MCPH1: variants seen among roughly 807,000 people sequenced by gnomAD.
The protein encoded by MCPH1 is microcephalin.
Under a neutral mutation model 84.5 loss-of-function variants are expected in MCPH1, and 104 were observed. The observed-to-expected ratio is 1.23, with a 90% confidence interval of 1.05 to 1.45. MCPH1 has a LOEUF of 1.45. Ranked by LOEUF, MCPH1 falls within the 40% of genes most tolerant of loss-of-function variation. MCPH1 has a pLI of 0.00. For missense variants in MCPH1, 1,498 were observed against 1,005.7 expected, an observed-to-expected ratio of 1.49 and a Z score of -6.62; for synonymous variants, 514 against 366.8, an observed-to-expected ratio of 1.40 and a Z score of -4.58.
chr8:6,406,698 C>G lies in MCPH1; in HGVS notation c.22+9C>G. Reference sequence around the variant, plus strand: ...GGCCCCCATCCTGAAAGGTGAGGTACTTCCTGCTGCCTGCTCCAGCAGCGG... The same window carrying G: ...GGCCCCCATCCTGAAAGGTGAGGTAGTTCCTGCTGCCTGCTCCAGCAGCGG... On this transcript the variant is annotated intron_variant, in intron 1 of 13. Transcript: ENST00000344683. 3 of 1,612,054 alleles carry G rather than the reference C, an allele frequency of 1.9e-6. No individual in the cohort carries two copies. Among genetic ancestry groups the G allele is most frequent in the Non-Finnish European group, 2.5e-6 (3 of 1,179,478 alleles).
At chr8:6,540,088 C>G (rs1283962591) in intron 12 of MCPH1, among the ~76,000 whole-genome samples, 1 of 152,172 alleles carries the variant, frequency 6.6e-6, no homozygotes, top group Non-Finnish European at 1.5e-5. Flanking sequence ...TAGGTACACC[C>G]TACAGTAATT....
At position 6,459,173 on chromosome 8, in the gene MCPH1, C is replaced by T. The variant is rs143967928; in HGVS notation, c.1935+3921C>T. On this transcript the variant is annotated intron_variant, in intron 9 of 13. Coordinates refer to ENST00000344683, the MANE Select transcript of MCPH1 (RefSeq NM_024596.5). ...TACAAATATAATGTTAGTATCTCAA[C>T]CATTCTTTTTTTCCCATTAAATAGG... is the stretch of plus-strand genomic sequence containing the variant. Among the ~76,000 whole-genome samples the T allele has an allele frequency of 2.3e-3, 347 of 152,276 alleles. 4 individuals carry two copies. Among genetic ancestry groups the T allele is most frequent in the African/African-American group, 7.6e-3 (316 of 41,560 alleles).
chr8:6,500,024 A>T (rs1312265949), intron 12 of MCPH1, 95 bp downstream of exon 12: 3 of 1,003,350 alleles, frequency 3.0e-6, no homozygotes, highest in Non-Finnish European at 4.8e-6. Flanking sequence ...TTATCCAGTC[A>T]AGCACAATTA....
chr8:6,470,205 C>G (rs1807530876), intron 9 of MCPH1, among the ~76,000 whole-genome samples: 1 of 152,128 alleles, frequency 6.6e-6, no homozygotes, highest in South Asian at 2.1e-4. Context: ...ATAAAGGTTT[C>G]AGCTTCCTGG....
At chr8:6,461,073 A>G (rs1371486490) in intron 9 of MCPH1, among the ~76,000 whole-genome samples, 2 of 152,178 alleles carry the variant, frequency 1.3e-5, no homozygotes, top group African/African-American at 4.8e-5. Flanking sequence ...GATTTTTGAG[A>G]TGAACACGTA....
At chr8:6,627,244 C>T in intron 13 of MCPH1, 1 of 985,448 alleles carries the variant, frequency 1.0e-6, no homozygotes, top group Non-Finnish European at 1.2e-6. Flanking sequence ...TGATCAGTCA[C>T]CGCAGTCCAC....
chr8:6,531,438 G>A lies in MCPH1; in HGVS notation c.2214+31509G>A, dbSNP rs532156551. ...CAAGTAGCTGGGATTGCAGATGCCCGCCACCACACCTGGCTAATTTGTTTG... is the reference window on the plus strand; with the variant it reads ...CAAGTAGCTGGGATTGCAGATGCCCACCACCACACCTGGCTAATTTGTTTG... On this transcript the variant is annotated intron_variant, in intron 12 of 13. Transcript: ENST00000344683. Among the ~76,000 whole-genome samples, 17 of 151,946 alleles carry A rather than the reference G, an allele frequency of 1.1e-4. 1 individual carries two copies. The highest frequency in any genetic ancestry group is 6.2e-4 in the South Asian group (3 of 4,814).
At chr8:6,437,277 C>G (rs1380650632) in intron 5 of MCPH1, among the ~76,000 whole-genome samples, 1 of 152,000 alleles carries the variant, frequency 6.6e-6, no homozygotes, top group Non-Finnish European at 1.5e-5. Flanking sequence ...CATCACCAGG[C>G]TGGAGTGCAG....
chr8:6,505,113 G>A (rs1236842526), intron 12 of MCPH1, among the ~76,000 whole-genome samples: 1 of 89,944 alleles, frequency 1.1e-5, no homozygotes, highest in African/African-American at 3.5e-5. Flanking sequence ...GAATGGCACT[G>A]GCAGGTCCTC....
intron 9 of MCPH1, among the ~76,000 whole-genome samples, chr8:6,470,059 T>G (rs7841259): frequency 0.013 from 2,054 of 152,322 alleles, 53 homozygotes; most frequent in African/African-American, 0.046. Context: ...ATAACAATGT[T>G]AAAAACAGAA....
intron 12 of MCPH1, chr8:6,532,355 T>C: frequency 1.2e-6 from 2 of 1,614,162 alleles, no homozygotes; most frequent in Non-Finnish European, 1.7e-6. Flanking sequence ...TCAGTTAACT[T>C]CCGCGTTTGC....
At chr8:6,638,358 G>A (rs139927493) in intron 13 of MCPH1, among the ~76,000 whole-genome samples, 1 of 152,224 alleles carries the variant, frequency 6.6e-6, no homozygotes, top group East Asian at 1.9e-4. Flanking sequence ...GGTCCCGTGT[G>A]CTCTTGAACT....
intron 12 of MCPH1, among the ~76,000 whole-genome samples, chr8:6,559,736 G>A (rs1034664810): frequency 1.3e-5 from 2 of 152,160 alleles, no homozygotes; most frequent in Non-Finnish European, 2.9e-5. Context: ...TTATTTGTGA[G>A]TTTTTATAAA....
At chr8:6,582,582 A>T (rs1166234290) in intron 12 of MCPH1, among the ~76,000 whole-genome samples, 1 of 152,164 alleles carries the variant, frequency 6.6e-6, no homozygotes, top group East Asian at 1.9e-4. Flanking sequence ...ATTTAATAGT[A>T]AGATAAACAC....
intron 3 of MCPH1, among the ~76,000 whole-genome samples, chr8:6,426,364 C>G (rs955273340): frequency 6.6e-6 from 1 of 152,224 alleles, no homozygotes; most frequent in Admixed American, 6.5e-5. Flanking sequence ...TCCTCCCACC[C>G]CAGGGCAGCC....
chr8:6,446,932 C>T (rs1168721230), intron 8 of MCPH1: 2 of 985,154 alleles, frequency 2.0e-6, no homozygotes, highest in Admixed American at 6.2e-5. Context: ...GGGTGAGGGG[C>T]CAGCACTAGT....
intron 12 of MCPH1, chr8:6,500,304 G>A (rs1811901887): frequency 5.4e-6 from 1 of 186,642 alleles, no homozygotes; most frequent in Non-Finnish European, 1.1e-5. Context: ...CTGGTGCTGT[G>A]ATAACAGTAT....
intron 9 of MCPH1, among the ~76,000 whole-genome samples, chr8:6,458,190 G>A (rs1318755310): frequency 2.6e-5 from 4 of 152,024 alleles, no homozygotes; most frequent in Admixed American, 6.6e-5. Context: ...CCTGATTTGC[G>A]GGCTGGGTGC....
chr8:6,448,730 G>A (rs542001331), intron 8 of MCPH1, among the ~76,000 whole-genome samples: 12 of 152,206 alleles, frequency 7.9e-5, no homozygotes, highest in Non-Finnish European at 1.6e-4. Context: ...TACAAAAGCA[G>A]TATGTCATAT....
Sources: allele counts gnomAD v4.1 joint callset (sites outside exome capture counted in the v4.1 genomes callset), GRCh38; gene constraint gnomAD v4.1.1; transcripts MANE v1.5; gene names NCBI Gene and HGNC (gene_info 2026-07-23, HGNC 2026-07-21).